Variants in EEF2K observed in about 807,000 individuals in gnomAD.
EEF2K encodes eukaryotic elongation factor 2 kinase, also known as alternative protein EEF2K.
EEF2K carries 70 observed loss-of-function variants against 93.8 expected under a neutral mutation model. The observed-to-expected ratio is 0.75, with a 90% CI of 0.62 to 0.91. The LOEUF is 0.91. Among genes scored for constraint, EEF2K ranks in the 40% least tolerant of loss-of-function variants. EEF2K has a pLI of 0.00. For synonymous variants in EEF2K, 376 were observed against 380.8 expected (o/e 0.99, Z 0.15); for missense variants, 935 against 972.9 (o/e 0.96, Z 0.52).
chr16:22,278,734 C>T (rs139286408), intron 16 of EEF2K, among the ~76,000 whole-genome samples: 51 of 152,222 alleles, frequency 3.4e-4, no homozygotes, highest in African/African-American at 1.1e-3. Flanking sequence ...GTTACTCACA[C>T]GGATTACACC....
chr16:22,251,908 C>T (rs1162900058), intron 6 of EEF2K, among the ~76,000 whole-genome samples: 2 of 152,140 alleles, frequency 1.3e-5, no homozygotes, highest in Admixed American at 1.3e-4. Context: ...ATCCTCCCAG[C>T]TTGGCCTCCT....
chr16:22,214,118 A>G (rs745878284), intron 1 of EEF2K, among the ~76,000 whole-genome samples: 2 of 152,180 alleles, frequency 1.3e-5, no homozygotes, highest in Non-Finnish European at 2.9e-5. Context: ...TTATTGGGAC[A>G]TAACAGCAGC....
At chr16:22,259,941 T>C (rs1240668322) in intron 10 of EEF2K, among the ~76,000 whole-genome samples, 2 of 152,008 alleles carry the variant, frequency 1.3e-5, no homozygotes, top group Non-Finnish European at 2.9e-5. Context: ...TTAATAGAGA[T>C]GGGGTTTCAC....
At position 22,250,779 on chromosome 16, in the gene EEF2K, G is replaced by T. The variant is rs1378493302; in HGVS notation, c.446+88G>T. ...AGGCATTGGGACATTTTCAGCCAAGGAATGGAGCCAGGGGCCTCTGCCTTC... is the reference window on the plus strand; with the variant it reads ...AGGCATTGGGACATTTTCAGCCAAGTAATGGAGCCAGGGGCCTCTGCCTTC... On this transcript the variant is annotated intron_variant, in intron 5 of 17. Transcript: ENST00000263026. 14 of 1,566,394 alleles carry T rather than the reference G, an allele frequency of 8.9e-6. No homozygotes were observed. In the South Asian group the frequency reaches 1.3e-4, roughly 15 times the overall value.
Position 22,256,722 on chromosome 16 carries a change from CCTGAGCCCACTCCCCATCCCA to C in EEF2K, c.619-24_619-4del. On this transcript the variant is annotated splice_region_variant and splice_polypyrimidine_tract_variant and intron_variant, in intron 6 of 17. Transcript: ENST00000263026. ...GAGGAGGTGCGCCTGGGCCCTCCCG[CCTGAGCCCACTCCCCATCCCA>C]CCAGGTGGACATCATGCAGATGTGC... 1.2e-6 allele frequency: 2 copies of C among 1,610,396 alleles called. No individual in the cohort carries two copies. The highest frequency in any genetic ancestry group is 1.7e-6 in the Non-Finnish European group (2 of 1,178,418).
intron 15 of EEF2K, among the ~76,000 whole-genome samples, chr16:22,270,818 C>A (rs1027930032): frequency 1.3e-5 from 2 of 151,936 alleles, no homozygotes; most frequent in African/African-American, 4.8e-5. Context: ...GTTTTTGTTT[C>A]ATGATGGTGA....
At chr16:22,231,835 C>T (rs538577053) in intron 2 of EEF2K, among the ~76,000 whole-genome samples, 46 of 151,326 alleles carry the variant, frequency 3.0e-4, no homozygotes, top group African/African-American at 1.1e-3. Flanking sequence ...ACTAAAAATA[C>T]AAAAATTAGC....
At chr16:22,243,399 G>A (rs2047245475) in intron 2 of EEF2K, among the ~76,000 whole-genome samples, 1 of 151,598 alleles carries the variant, frequency 6.6e-6, no homozygotes, top group Admixed American at 6.6e-5. Flanking sequence ...TTACAAGCGT[G>A]TGCCACCATG....
Position 22,283,913 on chromosome 16 carries a change from G to A in EEF2K, c.2095G>A (p.Ala699Thr), listed in dbSNP as rs2047725704. The A allele has an allele frequency of 2.5e-6, 4 of 1,599,706 alleles. No homozygotes were observed. Among genetic ancestry groups the A allele is most frequent in the Non-Finnish European group, 3.4e-6 (4 of 1,173,412 alleles). The change falls in exon 18 of 18, where the codon GCA becomes ACA. Residue 699 changes from alanine (A) to threonine (T), a missense_variant. Coordinates refer to ENST00000263026, the MANE Select transcript of EEF2K (RefSeq NM_013302.5). The stretch of plus-strand genomic sequence containing the variant: ...GGACTTGTATACCCAGGCAGCAGAG[G>A]CAGCGATGGAAGCCATGAAGGGCCG... ...SGDLYTQAAE[A>T]AMEAMKGRLA...
intron 16 of EEF2K, among the ~76,000 whole-genome samples, chr16:22,279,198 A>G (rs2047668891): frequency 6.6e-6 from 1 of 150,896 alleles, no homozygotes; most frequent in East Asian, 1.9e-4. Flanking sequence ...AAATTGTTGT[A>G]ATATACTGAT....
intron 2 of EEF2K, among the ~76,000 whole-genome samples, chr16:22,239,914 C>G (rs2047203841): frequency 6.6e-6 from 1 of 152,018 alleles, no homozygotes; most frequent in Non-Finnish European, 1.5e-5. Flanking sequence ...ACCATCCTGG[C>G]CAACATGGTG....
At position 22,241,926 on chromosome 16, in the gene EEF2K, C is replaced by T. The variant is rs200015794; in HGVS notation, c.247-2704C>T. Among the ~76,000 whole-genome samples, 64 of 151,832 alleles carry T rather than the reference C, an allele frequency of 4.2e-4. 1 individual carries two copies. The East Asian group carries it at 6.8e-3, about 16-fold the overall frequency. On this transcript the variant is annotated intron_variant, in intron 2 of 17. Coordinates refer to ENST00000263026, the MANE Select transcript of EEF2K (RefSeq NM_013302.5). ...GGAGGATCACTTGAGGCCAGGAGTT[C>T]GAGACCAGCCTGGGCAACAAACGTA...
At chr16:22,283,308 C>CAAAAAAAAAA (rs10540234) in intron 17 of EEF2K, among the ~76,000 whole-genome samples, 20 of 75,766 alleles carry the variant, frequency 2.6e-4, no homozygotes, top group Non-Finnish European at 4.3e-4. Context: ...GACTCCATCT[C>CAAAAAAAAAA]AAAAAAAAAA....
intron 2 of EEF2K, among the ~76,000 whole-genome samples, chr16:22,228,482 A>G (rs1360017383): frequency 1.3e-5 from 2 of 152,186 alleles, no homozygotes; most frequent in Non-Finnish European, 2.9e-5. Context: ...TTAGCCGGGC[A>G]TGGTGTTACA....
chr16:22,248,225 C>G (rs1364670863), intron 3 of EEF2K, among the ~76,000 whole-genome samples: 2 of 151,804 alleles, frequency 1.3e-5, no homozygotes, highest in African/African-American at 4.8e-5. Context: ...CCACCATGCT[C>G]GGCTAATTTT....
chr16:22,225,231 G>A (rs992187972), intron 1 of EEF2K, among the ~76,000 whole-genome samples: 2 of 152,168 alleles, frequency 1.3e-5, no homozygotes, highest in Admixed American at 6.6e-5. Flanking sequence ...CTGGAGAGCA[G>A]CCAGGGCCGG....
chr16:22,267,969 C>T (rs994239222), intron 15 of EEF2K, among the ~76,000 whole-genome samples: 1 of 152,130 alleles, frequency 6.6e-6, no homozygotes, highest in Non-Finnish European at 1.5e-5. Flanking sequence ...TCCTCCCCAT[C>T]ACGTGGGCCA....
chr16:22,257,922 C>A, intron 9 of EEF2K, 152 bp downstream of exon 9: 1 of 1,215,952 alleles, frequency 8.2e-7, no homozygotes. Flanking sequence ...ATGCCCCAGC[C>A]CGTCCCCTCC....
At chr16:22,231,453 T>C (rs976719930) in intron 2 of EEF2K, among the ~76,000 whole-genome samples, 1 of 151,980 alleles carries the variant, frequency 6.6e-6, no homozygotes, top group Non-Finnish European at 1.5e-5. Context: ...TACATATATA[T>C]TGGTATCTGC....
Sources: allele counts gnomAD v4.1 joint callset (sites outside exome capture counted in the v4.1 genomes callset), GRCh38; gene constraint gnomAD v4.1.1; transcripts MANE v1.5; gene names NCBI Gene and HGNC (gene_info 2026-07-23, HGNC 2026-07-21).